C5orf34: variants seen among roughly 807,000 people sequenced by gnomAD.
C5orf34 encodes the protein uncharacterized protein C5orf34.
Under a neutral mutation model 78.4 loss-of-function variants are expected in C5orf34, and 73 were observed. The observed-to-expected ratio is 0.93, with a 90% CI of 0.77 to 1.13. The LOEUF (loss-of-function observed/expected upper bound fraction) is 1.13. C5orf34 is among the 50% of genes most tolerant of loss of function. C5orf34 has a pLI of 0.00. For synonymous variants in C5orf34, 251 were observed against 246.6 expected, an observed-to-expected ratio of 1.02 and a Z score of -0.17; for missense variants, 730 against 732.7, an observed-to-expected ratio of 1.00 and a Z score of 0.04.
At chr5:43,495,212 T>C in intron 6 of C5orf34, 1 of 1,610,544 alleles carries the variant, frequency 6.2e-7, no homozygotes, top group Admixed American at 1.7e-5. Context: ...AGGTGGATAG[T>C]CTGAGAAGCT....
chr5:43,489,634 G>A (rs184444832), intron 11 of C5orf34, among the ~76,000 whole-genome samples: 26 of 152,244 alleles, frequency 1.7e-4, no homozygotes, highest in Non-Finnish European at 7.4e-5. Flanking sequence ...CTTCCAAACA[G>A]GCTACAGCTA....
At chr5:43,497,778 T>A (rs1172469659) in intron 6 of C5orf34, among the ~76,000 whole-genome samples, 9 of 152,236 alleles carry the variant, frequency 5.9e-5, no homozygotes, top group African/African-American at 2.2e-4. Flanking sequence ...TATCTAAATC[T>A]CTATTGGGCT....
chr5:43,508,094 A>T (rs1561216715), intron 3 of C5orf34, among the ~76,000 whole-genome samples: 1 of 152,028 alleles, frequency 6.6e-6, no homozygotes, highest in African/African-American at 2.4e-5. Flanking sequence ...AAAAAAAAAA[A>T]AAAGAGGCTG....
In C5orf34 at chr5:43,493,424, C is replaced by T. The variant is rs138821389; in HGVS notation, c.1314+119G>A. On this transcript the variant is annotated intron_variant, in intron 8 of 12. Coordinates refer to ENST00000306862, the MANE Select transcript of C5orf34 (RefSeq NM_198566.4). Reference sequence around the variant, plus strand: ...GTAGGTATTTTTCTGAATAAACCAACATTAATGTTACAAGAATTTCTCACA... The same window carrying T: ...GTAGGTATTTTTCTGAATAAACCAATATTAATGTTACAAGAATTTCTCACA... 344 of 647,670 alleles carry T rather than the reference C, an allele frequency of 5.3e-4. No homozygotes were observed. The East Asian group carries it at 9.2e-3, about 17-fold the overall frequency. 40.1% of individuals were successfully genotyped at this position (647,670 alleles called of 1,614,324 possible).
rs541652317 is a variant in C5orf34, at chr5:43,510,631, C to T, written c.-36-1256G>A. On this transcript the variant is annotated intron_variant, in intron 1 of 12. Transcript: ENST00000306862. The stretch of plus-strand genomic sequence containing the variant: ...GGTTTTCATATTTTTTTGGTGGAGA[C>T]GGGGTTTCGCTGTGTTGGCCGGGCT... Among the ~76,000 whole-genome samples, 293 of 152,310 alleles carry T rather than the reference C, an allele frequency of 1.9e-3. 1 individual carries two copies. The highest frequency in any genetic ancestry group is 3.1e-3 in the Non-Finnish European group (210 of 68,022).
At chr5:43,492,372 A>T in intron 9 of C5orf34, 63 bp from the exon 10 acceptor site, 1 of 1,023,586 alleles carries the variant, frequency 9.8e-7, no homozygotes, top group Non-Finnish European at 1.5e-6. Flanking sequence ...TAAACAACCT[A>T]TTCTAACTTC....
Position 43,510,300 on chromosome 5 carries a change from C to T in C5orf34, c.-36-925G>A, listed in dbSNP as rs1022267011. 6.6e-5 allele frequency among the ~76,000 whole-genome samples: 10 copies of T among 152,280 alleles called. No individual in the cohort carries two copies. The East Asian group carries it at 1.7e-3, about 26-fold the overall frequency. ...TTATTACTACTGAGCAACTTAATCT[C>T]CTATTATCTTGGATTTGTCCTTATT... On this transcript the variant is annotated intron_variant, in intron 1 of 12. Coordinates refer to ENST00000306862, the MANE Select transcript of C5orf34 (RefSeq NM_198566.4).
chr5:43,507,246 G>T (rs192286240), intron 3 of C5orf34, among the ~76,000 whole-genome samples: 13 of 152,208 alleles, frequency 8.5e-5, no homozygotes, highest in Non-Finnish European at 1.6e-4. Flanking sequence ...TAGATATTGC[G>T]TGAGAGGTTT....
At chr5:43,487,179 G>A in intron 12 of C5orf34, 68 bp from the exon 13 acceptor site, 1 of 700,076 alleles carries the variant, frequency 1.4e-6, no homozygotes, top group Non-Finnish European at 2.2e-6. Context: ...TATACAGAAA[G>A]CATAGGCTTC....
rs1269499631 is a variant in C5orf34, at chr5:43,514,856, G to C, written c.-87C>G. On this transcript the variant is annotated 5_prime_UTR_variant, in exon 1 of 13. Coordinates refer to ENST00000306862, the MANE Select transcript of C5orf34 (RefSeq NM_198566.4). ...GAAATGAGGCCCAGCAACGGTCCCT[G>C]GCTTTGATTTGCCAAAATGCTCTGG... 1 of 152,154 alleles carries C rather than the reference G, an allele frequency of 6.6e-6. No homozygotes were observed. The highest frequency in any genetic ancestry group is 1.5e-5 in the Non-Finnish European group (1 of 68,042). 9.4% of individuals were successfully genotyped at this position (152,154 alleles called of 1,614,324 possible).
intron 1 of C5orf34, among the ~76,000 whole-genome samples, chr5:43,514,427 A>C (rs779065601): frequency 6.6e-6 from 1 of 152,214 alleles, no homozygotes; most frequent in Non-Finnish European, 1.5e-5. Flanking sequence ...GCTGATACAT[A>C]GATGGAAGAC....
chr5:43,487,031 C>A lies in C5orf34; in HGVS notation c.1801G>T (p.Gly601Ter). Reference sequence around the variant, plus strand: ...TCTCCTAGCAAGGTTTCTGAAGATCCTGGTTTATAATGATCAAAAGACTGT... The same window carrying A: ...TCTCCTAGCAAGGTTTCTGAAGATCATGGTTTATAATGATCAAAAGACTGT... Reference protein sequence around the residue: ...EQQSFDHYKPGSSETLLGEVN... With the variant: ...EQQSFDHYKP Residue 601 changes from glycine (G) to a stop codon, truncating the protein, a stop_gained, in exon 13 of 13, where the codon GGA becomes TGA. Transcript: ENST00000306862. LOFTEE classifies it high-confidence loss of function. 1.3e-6 allele frequency: 2 copies of A among 1,589,300 alleles called. No homozygotes were observed. Among genetic ancestry groups the A allele is most frequent in the Non-Finnish European group, 1.7e-6 (2 of 1,167,406 alleles).
chr5:43,490,124 C>T (rs750424246), intron 11 of C5orf34, among the ~76,000 whole-genome samples: 1 of 152,064 alleles, frequency 6.6e-6, no homozygotes, highest in Non-Finnish European at 1.5e-5. Context: ...CAGAAAGTTC[C>T]CTTGAAGCCC....
intron 1 of C5orf34, among the ~76,000 whole-genome samples, chr5:43,514,582 G>C (rs1746404354): frequency 1.3e-5 from 2 of 151,962 alleles, no homozygotes; most frequent in African/African-American, 4.8e-5. Context: ...CATACCATAG[G>C]AAACCATAAC....
At chr5:43,494,449 G>A (rs974863171) in intron 7 of C5orf34, 61 bp downstream of exon 7, 3 of 1,093,480 alleles carry the variant, frequency 2.7e-6, no homozygotes, top group Admixed American at 1.9e-5. Context: ...TTAATCACAA[G>A]AAAATGTGCC....
chr5:43,489,610 T>G (rs1029024360), intron 11 of C5orf34, among the ~76,000 whole-genome samples: 1 of 152,156 alleles, frequency 6.6e-6, no homozygotes, highest in African/African-American at 2.4e-5. Context: ...CTAGTTACTT[T>G]AGCAACTTTT....
At chr5:43,493,460 G>A in intron 8 of C5orf34, 83 bp downstream of exon 8, 3 of 817,714 alleles carry the variant, frequency 3.7e-6, no homozygotes, top group South Asian at 3.3e-5. Context: ...TGACTTAGAG[G>A]AAAACTGTTT....
intron 11 of C5orf34, 72 bp from the exon 12 acceptor site, chr5:43,488,021 T>C (rs1161089994): frequency 2.5e-6 from 3 of 1,192,166 alleles, no homozygotes; most frequent in African/African-American, 3.1e-5. Context: ...CAAATAAGCA[T>C]ACCTGACTTT....
chr5:43,490,499 C>T, intron 11 of C5orf34, 132 bp downstream of exon 11: 1 of 587,298 alleles, frequency 1.7e-6, no homozygotes, highest in Non-Finnish European at 3.1e-6. Flanking sequence ...ATCAAAAATA[C>T]TTTAGGAGTT....
Sources: gnomAD v4.1 joint callset for allele counts (sites outside exome capture counted in the v4.1 genomes callset) on GRCh38, gnomAD v4.1.1 for gene constraint, MANE v1.5 for transcripts, NCBI Gene and HGNC (gene_info 2026-07-23, HGNC 2026-07-21) for gene names.